ADARB2: variants seen among roughly 807,000 people sequenced by gnomAD.
ADARB2 encodes the protein adenosine deaminase RNA specific B2 (inactive).
A neutral mutation model predicts 62.2 loss-of-function variants in ADARB2; 25 were observed. The ratio of observed to expected loss-of-function variants is 0.40; its 90% CI spans 0.29 to 0.56. ADARB2 has a LOEUF of 0.56. Ranked by LOEUF, ADARB2 falls within the 20% of genes least tolerant of loss-of-function variation. The pLI is 0.43. For missense variants in ADARB2, 1,071 were observed against 1,077.4 expected (o/e 0.99, Z 0.08); for synonymous variants, 572 against 500.8 (o/e 1.14, Z -1.90).
chr10:1,265,314 A>T (rs1831183022), intron 4 of ADARB2, among the ~76,000 whole-genome samples: 1 of 152,260 alleles, frequency 6.6e-6, no homozygotes, highest in Non-Finnish European at 1.5e-5. Context: ...CATCACCATC[A>T]ACAGCCCCTT....
At chr10:1,664,606 T>C (rs1314396226) in intron 1 of ADARB2, among the ~76,000 whole-genome samples, 1 of 152,166 alleles carries the variant, frequency 6.6e-6, no homozygotes, top group East Asian at 1.9e-4. Context: ...GTGCTGGGCA[T>C]CTCTCATGTT....
chr10:1,633,852 C>T (rs1335613248), intron 1 of ADARB2, among the ~76,000 whole-genome samples: 1 of 152,168 alleles, frequency 6.6e-6, no homozygotes, highest in Non-Finnish European at 1.5e-5. Context: ...TCTGACCCCT[C>T]CTCTAGTGTG....
intron 1 of ADARB2, among the ~76,000 whole-genome samples, chr10:1,626,842 CCA>C (rs1473299251): frequency 2.6e-5 from 4 of 152,102 alleles, no homozygotes; most frequent in African/African-American, 7.2e-5. Context: ...AATGCAAAAA[CCA>C]CAGTTACTTT....
At chr10:1,218,681 G>C (rs1466716471) in intron 6 of ADARB2, among the ~76,000 whole-genome samples, 1 of 152,156 alleles carries the variant, frequency 6.6e-6, no homozygotes, top group East Asian at 1.9e-4. Context: ...CTCATGCCCA[G>C]TTTACTACCG....
chr10:1,557,884 C>T (rs930529175), intron 1 of ADARB2, among the ~76,000 whole-genome samples: 9 of 152,194 alleles, frequency 5.9e-5, no homozygotes, highest in East Asian at 5.8e-4. Flanking sequence ...GCTGAGGTTG[C>T]GCCACTGCAC....
At chr10:1,575,716 G>C (rs1211168737) in intron 1 of ADARB2, among the ~76,000 whole-genome samples, 1 of 152,194 alleles carries the variant, frequency 6.6e-6, no homozygotes, top group African/African-American at 2.4e-5. Flanking sequence ...GACTCTGTGG[G>C]ATCCCCCTGT....
intron 1 of ADARB2, among the ~76,000 whole-genome samples, chr10:1,602,066 G>T (rs140564615): frequency 6.6e-6 from 1 of 152,154 alleles, no homozygotes; most frequent in Non-Finnish European, 1.5e-5. Flanking sequence ...GTGTGCAAAC[G>T]GAGCAGGGAC....
intron 1 of ADARB2, among the ~76,000 whole-genome samples, chr10:1,708,706 G>A (rs563151670): frequency 2.0e-5 from 3 of 152,286 alleles, no homozygotes; most frequent in African/African-American, 7.2e-5. Flanking sequence ...CTGTAAAATG[G>A]GAATAGTAGC....
At position 1,594,463 on chromosome 10, in the gene ADARB2, G is replaced by A. The variant is rs376465574; in HGVS notation, c.100+142588C>T. On this transcript the variant is annotated intron_variant, in intron 1 of 9. Transcript: ENST00000381312. ...CCATTTTCACCTCAAGTCTCCAAGA[G>A]CAGGGCCTTTCCACCCAGTCTGTTG... Among the ~76,000 whole-genome samples, 3 of 152,166 alleles carry A rather than the reference G, an allele frequency of 2.0e-5. No homozygotes were observed. The East Asian group carries it at 5.8e-4, about 30-fold the overall frequency.
At chr10:1,668,143 C>A (rs1213690136) in intron 1 of ADARB2, among the ~76,000 whole-genome samples, 1 of 152,246 alleles carries the variant, frequency 6.6e-6, no homozygotes, top group Non-Finnish European at 1.5e-5. Flanking sequence ...CAGGCCCTCG[C>A]CCCACCACTC....
intron 3 of ADARB2, among the ~76,000 whole-genome samples, chr10:1,346,589 T>G (rs536604051): frequency 6.6e-6 from 1 of 152,342 alleles, no homozygotes. Context: ...TTTAAACAGA[T>G]TTGACCCCCA....
chr10:1,365,710 T>C (rs1326031918), intron 2 of ADARB2, among the ~76,000 whole-genome samples: 1 of 152,142 alleles, frequency 6.6e-6, no homozygotes, highest in Non-Finnish European at 1.5e-5. Flanking sequence ...TTTGGGAGCT[T>C]CGGGCAAGAA....
At chr10:1,732,752 C>G (rs1406390832) in intron 1 of ADARB2, among the ~76,000 whole-genome samples, 1 of 152,178 alleles carries the variant, frequency 6.6e-6, no homozygotes, top group African/African-American at 2.4e-5. Flanking sequence ...GCAGGGGCTG[C>G]GGAGCCCACG....
At chr10:1,368,106 C>T (rs1295257674) in intron 2 of ADARB2, among the ~76,000 whole-genome samples, 3 of 152,166 alleles carry the variant, frequency 2.0e-5, no homozygotes, top group Non-Finnish European at 4.4e-5. Flanking sequence ...GAGGCCACAG[C>T]CCAGCGGTGG....
At chr10:1,402,413 A>C (rs1177289478) in intron 1 of ADARB2, among the ~76,000 whole-genome samples, 1 of 152,148 alleles carries the variant, frequency 6.6e-6, no homozygotes, top group Non-Finnish European at 1.5e-5. Context: ...GAACAGAGGG[A>C]GTTTCACTGA....
At chr10:1,668,482 C>A (rs949513864) in intron 1 of ADARB2, among the ~76,000 whole-genome samples, 2 of 152,120 alleles carry the variant, frequency 1.3e-5, no homozygotes, top group African/African-American at 4.8e-5. Flanking sequence ...AGCTTGGATT[C>A]GTGTGTGGTT....
At chr10:1,317,383 T>A (rs947486299) in intron 3 of ADARB2, among the ~76,000 whole-genome samples, 1 of 152,258 alleles carries the variant, frequency 6.6e-6, no homozygotes, top group African/African-American at 2.4e-5. Flanking sequence ...TCCACGAGCC[T>A]GACAGGCATA....
chr10:1,475,629 G>T (rs76028194), intron 1 of ADARB2, among the ~76,000 whole-genome samples: 2,922 of 152,306 alleles, frequency 0.019, 47 homozygotes, highest in Non-Finnish European at 0.03. Flanking sequence ...TTTTCACCTG[G>T]CACATTCTGG....
intron 3 of ADARB2, among the ~76,000 whole-genome samples, chr10:1,315,579 G>A (rs1831731685): frequency 6.6e-6 from 1 of 152,200 alleles, no homozygotes; most frequent in African/African-American, 2.4e-5. Context: ...AGCTCAGAGG[G>A]GCTCCTCGGA....
Sources: gnomAD v4.1 joint callset for allele counts (sites outside exome capture counted in the v4.1 genomes callset) on GRCh38, gnomAD v4.1.1 for gene constraint, MANE v1.5 for transcripts, NCBI Gene and HGNC (gene_info 2026-07-23, HGNC 2026-07-21) for gene names.